The following AMZ2 variants were observed in gnomAD, a reference collection of about 807,000 sequenced individuals.
AMZ2 encodes archaelysin family metallopeptidase 2.
In AMZ2, 26 loss-of-function variants were observed where a neutral mutation model predicts 36.7. The observed-to-expected ratio is 0.71, with a 90% CI of 0.52 to 0.98. The LOEUF is 0.98. Among genes scored for constraint, AMZ2 ranks in the 50% least tolerant of loss-of-function variants. The pLI is 0.00. For synonymous variants in AMZ2, 144 were observed against 149.1 expected, an observed-to-expected ratio of 0.97 and a Z score of 0.25; for missense variants, 394 against 430.5, an observed-to-expected ratio of 0.92 and a Z score of 0.75.
chr17:68,229,682 G>T (rs1407926545), intron 1 of AMZ2, among the ~76,000 whole-genome samples: 3 of 152,200 alleles, frequency 2.0e-5, no homozygotes, highest in Non-Finnish European at 2.9e-5. Flanking sequence ...GACATTGGTT[G>T]CTTTGCTTAA....
chr17:68,207,024 C>A (rs1205472375), intron 1 of AMZ2: 7 of 152,220 alleles, frequency 4.6e-5, no homozygotes, highest in African/African-American at 1.7e-4. Context: ...CGCATCTTAG[C>A]TCATTTGATC....
chr17:68,243,373 A>G (rs1379410673), upstream of AMZ2, among the ~76,000 whole-genome samples: 3 of 152,096 alleles, frequency 2.0e-5, no homozygotes, highest in Admixed American at 1.3e-4. Context: ...GACCTCAGGT[A>G]ATCAGCCTGC....
At chr17:68,251,430 A>T in intron 4 of AMZ2, 1 of 372,930 alleles carries the variant, frequency 2.7e-6, no homozygotes, top group Non-Finnish European at 4.9e-6. Context: ...GATAATTTAC[A>T]TAAAAGTGCC....
chr17:68,220,868 C>T (rs1380344094), intron 1 of AMZ2, among the ~76,000 whole-genome samples: 6 of 149,594 alleles, frequency 4.0e-5, no homozygotes, highest in African/African-American at 1.2e-4. Flanking sequence ...CTACAACCTC[C>T]GCCTCCTGGG....
chr17:68,255,529 AT>A (rs782775446), intron 5 of AMZ2, among the ~76,000 whole-genome samples, 170 bp from the exon 6 acceptor site: 38 of 152,310 alleles, frequency 2.5e-4, no homozygotes, highest in African/African-American at 7.9e-4. Context: ...GCAGTAAGAC[AT>A]TTGGGGAAAT....
upstream of AMZ2, chr17:68,247,357 AAAAG>A (rs1430217320): frequency 2.2e-5 from 3 of 133,720 alleles, no homozygotes; most frequent in Non-Finnish European, 4.5e-5. Context: ...AAAAAAAAAA[AAAAG>A]CAAGAAAAAG....
intron 1 of AMZ2, among the ~76,000 whole-genome samples, chr17:68,232,388 C>T (rs2073686960): frequency 6.7e-6 from 1 of 150,238 alleles, no homozygotes; most frequent in Non-Finnish European, 1.5e-5. Flanking sequence ...CCCAGCTACT[C>T]AGGAGGCTAA....
intron 1 of AMZ2, among the ~76,000 whole-genome samples, chr17:68,230,596 T>A (rs1312644003): frequency 6.6e-6 from 1 of 152,240 alleles, no homozygotes; most frequent in Non-Finnish European, 1.5e-5. Flanking sequence ...GGAGTCTAAC[T>A]CTTCAAGGGA....
intron 1 of AMZ2, among the ~76,000 whole-genome samples, chr17:68,223,295 T>A (rs55791195): frequency 0.21 from 32,479 of 151,454 alleles, 3,951 homozygotes; most frequent in African/African-American, 0.32. Context: ...CCAGAAGGCA[T>A]GAAGGACTGA....
intron 1 of AMZ2, among the ~76,000 whole-genome samples, chr17:68,238,208 TTTC>T (rs1307636957): frequency 3.9e-5 from 6 of 152,140 alleles, no homozygotes; most frequent in East Asian, 1.9e-4. Context: ...ATTTTCTTTC[TTTC>T]TTCTTCTTTT....
intron 1 of AMZ2, among the ~76,000 whole-genome samples, chr17:68,239,822 T>C (rs1430784080): frequency 6.6e-6 from 1 of 152,144 alleles, no homozygotes; most frequent in Non-Finnish European, 1.5e-5. Flanking sequence ...TTTTTGTGCA[T>C]CATAATGAAA....
At chr17:68,213,935 C>T (rs1238322419) in intron 1 of AMZ2, among the ~76,000 whole-genome samples, 1 of 151,632 alleles carries the variant, frequency 6.6e-6, no homozygotes, top group Non-Finnish European at 1.5e-5. Flanking sequence ...TCTAAGAGCT[C>T]TTTTGTTTTT....
At chr17:68,250,988 A>C (rs1373778594) in intron 3 of AMZ2, 21 bp downstream of exon 3, 17 of 1,611,392 alleles carry the variant, frequency 1.1e-5, no homozygotes, top group Middle Eastern at 1.6e-4. Context: ...CGACTTTGCA[A>C]TTCGAACTGA....
At chr17:68,206,242 C>A (rs2072825073) in intron 1 of AMZ2, 4 of 1,300,382 alleles carry the variant, frequency 3.1e-6, no homozygotes, top group Non-Finnish European at 2.0e-6. Flanking sequence ...ACTCCAGGTA[C>A]CCACCCAGCC....
intron 1 of AMZ2, chr17:68,207,327 A>C (rs2144434756): frequency 4.6e-5 from 4 of 87,034 alleles, no homozygotes; most frequent in African/African-American, 8.3e-5. Flanking sequence ...CCCCCCCACA[A>C]AGGCTGCTTT....
chr17:68,248,972 C>T, intron 1 of AMZ2: 2 of 803,338 alleles, frequency 2.5e-6, no homozygotes, highest in Non-Finnish European at 3.2e-6. Flanking sequence ...CAAAGATGAT[C>T]CAGACAGAGA....
At chr17:68,234,660 C>G (rs1366170637) in intron 1 of AMZ2, among the ~76,000 whole-genome samples, 1 of 151,744 alleles carries the variant, frequency 6.6e-6, no homozygotes, top group Non-Finnish European at 1.5e-5. Context: ...GTCTTAGCTA[C>G]TCAGAGGGCT....
At chr17:68,231,998 A>G (rs2073675072) in intron 1 of AMZ2, among the ~76,000 whole-genome samples, 2 of 152,094 alleles carry the variant, frequency 1.3e-5, no homozygotes, top group Admixed American at 6.6e-5. Context: ...TACAAAACTA[A>G]AACTGTAGAA....
rs1555725349 is a variant in AMZ2 at position 68,209,623 on chromosome 17, TATATATA to T, written c.-67+3386_-67+3392del. On this transcript the variant is annotated intron_variant, in intron 1 of 7. Transcript: ENST00000674770. Reference sequence around the variant, plus strand: ...GTGTGTGTATATGTATATATATATATATATATATATTTTTTTTTTTTTTTATACAGAG... The same window carrying T: ...GTGTGTGTATATGTATATATATATATTATTTTTTTTTTTTTTTATACAGAG... Among the ~76,000 whole-genome samples, 661 of 109,926 alleles carry T rather than the reference TATATATA, an allele frequency of 6.0e-3. 17 individuals are homozygous for T. Among genetic ancestry groups the T allele is most frequent in the Admixed American group, 0.035 (400 of 11,312 alleles). The allele number at this position is 109,926 out of a possible 152,430, so 72.1% of individuals were successfully genotyped here.
Sources: allele counts gnomAD v4.1 joint callset (sites outside exome capture counted in the v4.1 genomes callset), GRCh38; gene constraint gnomAD v4.1.1; transcripts MANE v1.5; gene names NCBI Gene and HGNC (gene_info 2026-07-23, HGNC 2026-07-21).